The following TRIM49B variants were observed in gnomAD, a reference collection of about 807,000 sequenced individuals.
The protein encoded by TRIM49B is tripartite motif containing 49B.
A neutral mutation model predicts 31.8 loss-of-function variants in TRIM49B; 18 were observed. That is an observed-to-expected ratio of 0.57 (90% CI 0.39 to 0.84). TRIM49B has a LOEUF of 0.84. TRIM49B is among the 40% of genes least tolerant of loss of function. The pLI is 0.00. For missense variants in TRIM49B, 494 were observed against 538.7 expected, an observed-to-expected ratio of 0.92 and a Z score of 0.82; for synonymous variants, 196 against 180.6, an observed-to-expected ratio of 1.09 and a Z score of -0.68.
chr11:49,033,066 T>C (rs1203819551), intron 3 of TRIM49B, among the ~76,000 whole-genome samples: 3 of 151,726 alleles, frequency 2.0e-5, no homozygotes, highest in East Asian at 3.9e-4. Context: ...TAGCTAATAT[T>C]AGTTTGTTGA....
Position 49,036,230 on chromosome 11 carries a change from T to C in TRIM49B, c.762-71T>C, listed in dbSNP as rs1854528016. 13 of 1,601,208 alleles carry C rather than the reference T, an allele frequency of 8.1e-6. No homozygotes were observed. The Admixed American group carries it at 2.2e-4, about 27-fold the overall frequency. ...TTCAAAGGATTCTCATGAAATGTCT[T>C]TTACATACAAATAGTGATTTTTATT... On this transcript the variant is annotated intron_variant, in intron 5 of 6. Transcript: ENST00000332682.
chr11:49,034,329 G>A lies in TRIM49B; in HGVS notation c.691G>A (p.Glu231Lys). Residue 231 changes from glutamate to lysine, a missense_variant, in exon 4 of 7, where the codon GAG (glutamate) becomes AAG (lysine). By Grantham distance (56) the Glu-to-Lys change is moderately conservative (BLOSUM62 1). Coordinates refer to ENST00000332682, the MANE Select transcript of TRIM49B (RefSeq NM_001206626.2). ...GAGGGAGATTTTAAGAGGAATGTAT[G>A]AGGAGCTGAACGAAATGTGCCATAA... is the stretch of plus-strand genomic sequence containing the variant. Reference protein sequence around the residue: ...HRREILRGMYEELNEMCHKPD... With the variant: ...HRREILRGMYKELNEMCHKPD... The A allele has an allele frequency of 6.2e-7, 1 of 1,611,988 alleles. No homozygotes were observed. The highest frequency in any genetic ancestry group is 1.1e-5 in the South Asian group (1 of 90,990).
rs777419653 is a variant in TRIM49B, at chr11:49,034,357, C to A, written c.719C>A (p.Pro240Gln). The A allele has an allele frequency of 6.2e-7, 1 of 1,611,936 alleles. No individual in the cohort carries two copies. Among genetic ancestry groups the A allele is most frequent in the South Asian group, 1.1e-5 (1 of 90,990 alleles). Residue 240 changes from proline to glutamine, a missense_variant, in exon 4 of 7, where the codon CCA becomes CAA. Around this residue, in one of 3 missense-constraint regions of TRIM49B, gnomAD observed 233 missense variants for 281.4 expected, o/e 0.83. Transcript: ENST00000332682. ...YEELNEMCHK[P>Q]DVELLQAFGD... ...GAGCTGAACGAAATGTGCCATAAAC[C>A]AGATGTGGAGCTACTTCAGGTACAA...
chr11:49,030,818 C>T (rs1051404518), intron 1 of TRIM49B, among the ~76,000 whole-genome samples: 3 of 152,176 alleles, frequency 2.0e-5, no homozygotes, highest in African/African-American at 7.2e-5. Flanking sequence ...AATTACACCT[C>T]TCTGAGTTTA....
Position 49,032,357 on chromosome 11 carries a change from A to G in TRIM49B, c.493A>G (p.Thr165Ala), listed in dbSNP as rs1432983002. 14 of 1,613,268 alleles carry G rather than the reference A, an allele frequency of 8.7e-6. No individual in the cohort carries two copies. In the Admixed American group the frequency reaches 2.0e-4, roughly 23 times the overall value. The change falls in exon 3 of 7, where the codon ACC becomes GCC. Residue 165 changes from threonine (T) to alanine (A), a missense_variant. This residue lies in a region of TRIM49B where 251 missense variants were observed against 232.8 expected (regional missense o/e 1.08). Transcript: ENST00000332682. Reference sequence around the variant, plus strand: ...AAACCTGAATGTGGAAACCACCAGAACCAGATGCTGGAAGGTTAGTCCTGT... The same window carrying G: ...AAACCTGAATGTGGAAACCACCAGAGCCAGATGCTGGAAGGTTAGTCCTGT... ...HRNLNVETTRTRCWKDYVNLR... is the reference protein window; with the variant it reads ...HRNLNVETTRARCWKDYVNLR...
rs182086994 is a variant in TRIM49B at position 49,032,414 on chromosome 11, G to A, written c.507+43G>A. The A allele has an allele frequency of 7.6e-5, 123 of 1,610,834 alleles. No individual in the cohort carries two copies. In the East Asian group the frequency reaches 2.7e-3, roughly 35 times the overall value. ...CTACCTTCTCCAGGAACTTATGGTGGGCAAATGGGTGACTCTTAAAATAGG... is the reference window on the plus strand; with the variant it reads ...CTACCTTCTCCAGGAACTTATGGTGAGCAAATGGGTGACTCTTAAAATAGG... On this transcript the variant is annotated intron_variant, in intron 3 of 6. Coordinates refer to ENST00000332682, the MANE Select transcript of TRIM49B (RefSeq NM_001206626.2).
chr11:49,031,723 A>G lies in TRIM49B; in HGVS notation c.124A>G (p.Asn42Asp). 1 of 1,613,960 alleles carries G rather than the reference A, an allele frequency of 6.2e-7. No individual in the cohort carries two copies. Reference sequence around the variant, plus strand: ...CTTTTGCAGGCCTTGTTTCTACCTCAACTGGAAAGACAGCCCATTTCTTGT... The same window carrying G: ...CTTTTGCAGGCCTTGTTTCTACCTCGACTGGAAAGACAGCCCATTTCTTGT... ...HSFCRPCFYL[N>D]WKDSPFLVQC... Residue 42 changes from asparagine (N) to aspartate (D), a missense_variant, in exon 2 of 7, where the codon AAC becomes GAC. Asn to Asp is a conservative substitution (Grantham distance 23, BLOSUM62 1). This residue lies in a region of TRIM49B where 251 missense variants were observed against 232.8 expected (regional missense o/e 1.08). Coordinates refer to ENST00000332682, the MANE Select transcript of TRIM49B (RefSeq NM_001206626.2).
At chr11:49,033,170 T>C (rs1352434711) in intron 3 of TRIM49B, among the ~76,000 whole-genome samples, 1 of 152,194 alleles carries the variant, frequency 6.6e-6, no homozygotes, top group African/African-American at 2.4e-5. Context: ...TCACAAATCA[T>C]ACAATCCAAA....
chr11:49,035,833 GA>G (rs1854522398), intron 5 of TRIM49B, among the ~76,000 whole-genome samples: 1 of 152,072 alleles, frequency 6.6e-6, no homozygotes, highest in Admixed American at 6.6e-5. Context: ...TAACAGTTCT[GA>G]AAAATAGATC....
At chr11:49,036,258 T>C (rs749577187) in intron 5 of TRIM49B, 43 bp from the exon 6 acceptor site, 4 of 1,592,958 alleles carry the variant, frequency 2.5e-6, no homozygotes, top group Non-Finnish European at 2.6e-6. Flanking sequence ...TTTTTATTTA[T>C]TTTATGGCTG....
chr11:49,038,106 A>G lies in TRIM49B; in HGVS notation c.*129A>G. 3.3e-6 allele frequency: 5 copies of G among 1,525,584 alleles called. No homozygotes were observed. Among genetic ancestry groups the G allele is most frequent in the Non-Finnish European group, 4.4e-6 (5 of 1,140,958 alleles). The allele number at this position is 1,525,584 out of a possible 1,614,324, so 94.5% of individuals were successfully genotyped here. ...ATATCTTGAATTGCCTTCTAATGTTATCAAAACTCATTTATTGTGTTACTA... is the reference window on the plus strand; with the variant it reads ...ATATCTTGAATTGCCTTCTAATGTTGTCAAAACTCATTTATTGTGTTACTA... On this transcript the variant is annotated 3_prime_UTR_variant, in exon 7 of 7. Transcript: ENST00000332682.
Position 49,037,582 on chromosome 11 carries a change from A to G in TRIM49B, c.964A>G (p.Thr322Ala), listed in dbSNP as rs1854548753. The stretch of plus-strand genomic sequence containing the variant: ...TGACCATCAAGATGTACCCTATTTC[A>G]CTGCAACACCTAGAAGTTTTCTTGC... ...GCDHQDVPYF[T>A]ATPRSFLAWG... Residue 322 changes from threonine to alanine, a missense_variant, in exon 7 of 7, where the codon ACT (threonine) becomes GCT (alanine). By Grantham distance (58) the Thr-to-Ala change is moderately conservative. This residue lies in a region of TRIM49B where 233 missense variants were observed against 281.4 expected (regional missense o/e 0.83). Transcript: ENST00000332682. 2 of 1,614,106 alleles carry G rather than the reference A, an allele frequency of 1.2e-6. No homozygotes were observed. Among genetic ancestry groups the G allele is most frequent in the African/African-American group, 1.3e-5 (1 of 75,022 alleles).
chr11:49,031,868 A>G lies in TRIM49B; in HGVS notation c.269A>G (p.Glu90Gly), dbSNP rs2134696275. 1 of 1,613,718 alleles carries G rather than the reference A, an allele frequency of 6.2e-7. No homozygotes were observed. Among genetic ancestry groups the G allele is most frequent in the Non-Finnish European group, 8.5e-7 (1 of 1,179,870 alleles). The change falls in exon 2 of 7, where the codon GAG (glutamate) becomes GGG (glycine). Residue 90 changes from glutamate to glycine, a missense_variant. Glu to Gly is a moderately conservative substitution (Grantham distance 98). Coordinates refer to ENST00000332682, the MANE Select transcript of TRIM49B (RefSeq NM_001206626.2). ...VSLWLFLSSE[E>G]QMCGTHRETK... Reference sequence around the variant, plus strand: ...CTCTGGCTATTCCTGAGCTCTGAGGAGCAAATGTGTGGCACTCACAGGGAG... The same window carrying G: ...CTCTGGCTATTCCTGAGCTCTGAGGGGCAAATGTGTGGCACTCACAGGGAG...
In TRIM49B at chr11:49,037,871, A is replaced by G. The variant is rs535951607; in HGVS notation, c.1253A>G (p.Lys418Arg). The G allele has an allele frequency of 1.1e-3, 1,738 of 1,613,922 alleles. 24 individuals are homozygous for G. In the South Asian group the frequency reaches 0.018, roughly 17 times the overall value. ...GGATTATTCCTGGATTGTGAGGCTA[A>G]GACTGTGAGCTTTGTTGATGTTAAT... is the stretch of plus-strand genomic sequence containing the variant. Reference protein sequence around the residue: ...RVGLFLDCEAKTVSFVDVNQS... With the variant: ...RVGLFLDCEARTVSFVDVNQS... Residue 418 changes from lysine to arginine, a missense_variant, in exon 7 of 7, where the codon AAG (lysine) becomes AGG (arginine). Lys to Arg is a conservative substitution (Grantham distance 26). Transcript: ENST00000332682.
intron 5 of TRIM49B, among the ~76,000 whole-genome samples, chr11:49,036,041 C>A (rs1328294807): frequency 6.1e-5 from 9 of 148,274 alleles, no homozygotes; most frequent in Admixed American, 2.0e-4. Flanking sequence ...TCTAAATATT[C>A]TCAAGGCCAT....
rs1268964147 is a variant in TRIM49B at position 49,031,626 on chromosome 11, T to A, written c.27T>A (p.Phe9Leu). The A allele has an allele frequency of 5.4e-5, 87 of 1,613,800 alleles. No homozygotes were observed. The highest frequency in any genetic ancestry group is 7.4e-5 in the Non-Finnish European group (87 of 1,179,864). ...TGAATTCTGGAATCTTACAGGTCTTTCAGAGGGAACTCATCTGCCCCATCT... is the reference window on the plus strand; with the variant it reads ...TGAATTCTGGAATCTTACAGGTCTTACAGAGGGAACTCATCTGCCCCATCT... Reference protein sequence around the residue: MNSGILQVFQRELICPICM... With the variant: MNSGILQVLQRELICPICM... The change falls in exon 2 of 7, where the codon TTT becomes TTA. Residue 9 changes from phenylalanine to leucine, a missense_variant. By Grantham distance (22) the Phe-to-Leu change is conservative. This residue lies in a region of TRIM49B where 251 missense variants were observed against 232.8 expected (regional missense o/e 1.08). Coordinates refer to ENST00000332682, the MANE Select transcript of TRIM49B (RefSeq NM_001206626.2).
intron 1 of TRIM49B, among the ~76,000 whole-genome samples, chr11:49,029,750 C>T (rs1279377515): frequency 2.6e-5 from 4 of 152,186 alleles, no homozygotes; most frequent in Non-Finnish European, 5.9e-5. Flanking sequence ...AGGATGTATA[C>T]GTATATGTGT....
chr11:49,034,056 T>C (rs965146240), intron 3 of TRIM49B, 90 bp from the exon 4 acceptor site: 99 of 1,604,344 alleles, frequency 6.2e-5, no homozygotes, highest in Middle Eastern at 4.5e-4. Flanking sequence ...GTTTGAACTA[T>C]TGGACATTCG....
At chr11:49,032,885 A>G (rs1232269007) in intron 3 of TRIM49B, among the ~76,000 whole-genome samples, 2 of 152,230 alleles carry the variant, frequency 1.3e-5, no homozygotes, top group African/African-American at 4.8e-5. Context: ...TGAAAAATAC[A>G]TAACATACGA....
Sources: allele counts gnomAD v4.1 joint callset (sites outside exome capture counted in the v4.1 genomes callset), GRCh38; gene constraint gnomAD v4.1.1; regional missense constraint gnomAD v4.1.1; transcripts MANE v1.5; gene names NCBI Gene and HGNC (gene_info 2026-07-23, HGNC 2026-07-21).